The following METTL15 variants were observed in gnomAD, a reference collection of about 807,000 sequenced individuals.
METTL15 encodes methyltransferase 15, mitochondrial 12S rRNA N4-cytidine, also known as 12S rRNA N(4)-cytidine methyltransferase METTL15.
A neutral mutation model predicts 38.3 loss-of-function variants in METTL15; 34 were observed. The ratio of observed to expected loss-of-function variants is 0.89; its 90% CI spans 0.68 to 1.18. The LOEUF (loss-of-function observed/expected upper bound fraction) is 1.18. METTL15 is among the 50% of genes most tolerant of loss of function. The pLI is 0.00. For synonymous variants in METTL15, 162 were observed against 170.9 expected (o/e 0.95, Z 0.41); for missense variants, 438 against 498.4 (o/e 0.88, Z 1.15).
intron 6 of METTL15, among the ~76,000 whole-genome samples, chr11:28,325,563 A>C (rs923156699): frequency 2.0e-5 from 3 of 152,052 alleles, no homozygotes; most frequent in African/African-American, 7.2e-5. Flanking sequence ...TTTTTCATTT[A>C]TCTATTCATT....
At chr11:28,385,977 C>A (rs749892261) in intron 5 of METTL15, among the ~76,000 whole-genome samples, 5 of 151,888 alleles carry the variant, frequency 3.3e-5, no homozygotes, top group Non-Finnish European at 5.9e-5. Flanking sequence ...ATATAACAAA[C>A]AAAGTATGGG....
At chr11:28,503,013 T>A (rs1851597341) in intron 6 of METTL15, among the ~76,000 whole-genome samples, 3 of 152,148 alleles carry the variant, frequency 2.0e-5, no homozygotes, top group Admixed American at 6.5e-5. Context: ...GTAAAAATGG[T>A]TTATTTCTCA....
intron 4 of METTL15, among the ~76,000 whole-genome samples, chr11:28,281,502 C>T (rs573601581): frequency 3.3e-5 from 5 of 152,132 alleles, no homozygotes; most frequent in Admixed American, 6.6e-5. Context: ...AAGTCTTAGC[C>T]GTTTTTATAG....
chr11:28,193,120 A>C (rs1851760264), intron 3 of METTL15, among the ~76,000 whole-genome samples: 1 of 152,108 alleles, frequency 6.6e-6, no homozygotes, highest in Non-Finnish European at 1.5e-5. Context: ...GGAGAATACA[A>C]CACTATACTT....
At chr11:28,303,499 A>C (rs1856979993) in intron 6 of METTL15, among the ~76,000 whole-genome samples, 1 of 152,144 alleles carries the variant, frequency 6.6e-6, no homozygotes, top group South Asian at 2.1e-4. Context: ...TGATCTCTAA[A>C]CAATCAAAAG....
intron 4 of METTL15, among the ~76,000 whole-genome samples, chr11:28,360,657 C>G (rs1447471842): frequency 1.3e-5 from 2 of 151,900 alleles, no homozygotes; most frequent in Admixed American, 1.3e-4. Flanking sequence ...AAGTGTCTCT[C>G]TCTCTTTTTT....
chr11:28,239,649 G>C (rs1177582694), intron 4 of METTL15, among the ~76,000 whole-genome samples: 1 of 152,122 alleles, frequency 6.6e-6, no homozygotes, highest in Non-Finnish European at 1.5e-5. Flanking sequence ...TGCCCCACCA[G>C]CTTCCCAGCT....
chr11:28,178,973 TACTC>T (rs1851180792), intron 3 of METTL15, among the ~76,000 whole-genome samples: 1 of 151,958 alleles, frequency 6.6e-6, no homozygotes, highest in African/African-American at 2.4e-5. Flanking sequence ...TAATGATTGA[TACTC>T]ACTTGTATTT....
chr11:28,236,582 G>T (rs1278792114), intron 4 of METTL15, among the ~76,000 whole-genome samples: 1 of 152,132 alleles, frequency 6.6e-6, no homozygotes, highest in Non-Finnish European at 1.5e-5. Flanking sequence ...CTCATAATTG[G>T]AGCATTTAGT....
intron 4 of METTL15, among the ~76,000 whole-genome samples, chr11:28,231,345 C>A (rs1225549262): frequency 6.6e-6 from 1 of 151,704 alleles, no homozygotes; most frequent in Non-Finnish European, 1.5e-5. Context: ...GAAGAGTACT[C>A]ATTACATAGG....
intron 5 of METTL15, among the ~76,000 whole-genome samples, chr11:28,375,571 G>A (rs1197850279): frequency 6.6e-6 from 1 of 151,510 alleles, no homozygotes; most frequent in Non-Finnish European, 1.5e-5. Flanking sequence ...TTCTTTATTA[G>A]TCTTGCTGGC....
intron 1 of METTL15, among the ~76,000 whole-genome samples, chr11:28,109,541 T>A (rs1487339508): frequency 6.6e-6 from 1 of 152,184 alleles, no homozygotes; most frequent in Non-Finnish European, 1.5e-5. Flanking sequence ...CAAAATTTTG[T>A]CTTGAACTAT....
chr11:28,217,541 G>T (rs938099069), intron 4 of METTL15, among the ~76,000 whole-genome samples: 3 of 152,070 alleles, frequency 2.0e-5, no homozygotes, highest in African/African-American at 7.2e-5. Flanking sequence ...TTCTTTTGCT[G>T]TGCAGAAGCT....
intron 3 of METTL15, among the ~76,000 whole-genome samples, chr11:28,202,836 G>T (rs970672105): frequency 6.6e-6 from 1 of 152,060 alleles, no homozygotes; most frequent in Non-Finnish European, 1.5e-5. Context: ...AAAATATTCT[G>T]CAGATTGAAA....
At position 28,339,543 on chromosome 11, in the gene METTL15, A is replaced by AC. The variant is rs1398217332; in HGVS notation, c.*190-12547_*190-12546insC. Among the ~76,000 whole-genome samples, 10 of 151,864 alleles carry AC rather than the reference A, an allele frequency of 6.6e-5. No homozygotes were observed. In the South Asian group the frequency reaches 1.9e-3, roughly 28 times the overall value. On this transcript the variant is annotated intron_variant and NMD_transcript_variant, in intron 3 of 7. Transcript: ENST00000532947. ...GACATAAAGAGAATGCAAAAAAAAAAAAACTGTACAAAAGACATAAAAGTT... is the reference window on the plus strand; with the variant it reads ...GACATAAAGAGAATGCAAAAAAAAAACAAACTGTACAAAAGACATAAAAGTT...
intron 2 of METTL15, 131 bp from the exon 3 acceptor site, chr11:28,113,187 T>C: frequency 1.6e-6 from 1 of 609,424 alleles, no homozygotes. Context: ...TTTACTTGTT[T>C]AAGATGTTAG....
chr11:28,433,979 G>A (rs1281349313), intron 6 of METTL15, among the ~76,000 whole-genome samples: 3 of 152,148 alleles, frequency 2.0e-5, no homozygotes, highest in Non-Finnish European at 4.4e-5. Context: ...CTTGGGCATC[G>A]TTCTGCATTT....
At chr11:28,110,533 A>G (rs949332861) in intron 2 of METTL15, 132 bp downstream of exon 2, 1 of 152,300 alleles carries the variant, frequency 6.6e-6, no homozygotes, top group Middle Eastern at 3.4e-3. Flanking sequence ...CCTCTCTTCA[A>G]CACGCCTTCA....
intron 5 of METTL15, among the ~76,000 whole-genome samples, chr11:28,391,754 C>T (rs946060041): frequency 2.0e-5 from 3 of 152,162 alleles, no homozygotes; most frequent in African/African-American, 7.2e-5. Flanking sequence ...GGAAAACTGG[C>T]TAGCCATATG....
Sources: gnomAD v4.1 joint callset for allele counts (sites outside exome capture counted in the v4.1 genomes callset) on GRCh38, gnomAD v4.1.1 for gene constraint, MANE v1.5 for transcripts, NCBI Gene and HGNC (gene_info 2026-07-23, HGNC 2026-07-21) for gene names.